The following SNCAIP variants were observed in gnomAD, a reference collection of about 807,000 sequenced individuals.
SNCAIP encodes the protein synuclein alpha interacting protein.
Under a neutral mutation model 86.7 loss-of-function variants are expected in SNCAIP, and 43 were observed. The observed-to-expected ratio is 0.50, with a 90% confidence interval of 0.39 to 0.64. SNCAIP has a LOEUF of 0.64. Ranked by LOEUF, SNCAIP falls within the 30% of genes least tolerant of loss-of-function variation. SNCAIP has a pLI of 0.00. For synonymous variants in SNCAIP, 417 were observed against 427.2 expected, an observed-to-expected ratio of 0.98 and a Z score of 0.29; for missense variants, 981 against 1,103.1, an observed-to-expected ratio of 0.89 and a Z score of 1.57.
chr5:122,316,843 G>C (rs1361805410), intron 1 of SNCAIP, among the ~76,000 whole-genome samples: 1 of 152,198 alleles, frequency 6.6e-6, no homozygotes, highest in East Asian at 1.9e-4. Context: ...AAGTGCAGCT[G>C]CTGGGCCAGA....
At chr5:122,374,357 C>G (rs1487532049) in intron 1 of SNCAIP, among the ~76,000 whole-genome samples, 1 of 152,180 alleles carries the variant, frequency 6.6e-6, no homozygotes, top group Non-Finnish European at 1.5e-5. Flanking sequence ...TCAAGCTTCT[C>G]TGCTCTCAGT....
At chr5:122,368,862 C>T (rs1763697466) in intron 1 of SNCAIP, among the ~76,000 whole-genome samples, 1 of 152,210 alleles carries the variant, frequency 6.6e-6, no homozygotes, top group Non-Finnish European at 1.5e-5. Flanking sequence ...CACAAAATCA[C>T]TGCCTCAGAG....
intron 1 of SNCAIP, among the ~76,000 whole-genome samples, chr5:122,384,304 G>T (rs561114832): frequency 1.3e-5 from 2 of 152,208 alleles, no homozygotes; most frequent in African/African-American, 4.8e-5. Flanking sequence ...AGATATGATT[G>T]CAAATTACAA....
intron 1 of SNCAIP, among the ~76,000 whole-genome samples, chr5:122,331,516 G>C (rs1342002749): frequency 6.6e-6 from 1 of 152,158 alleles, no homozygotes; most frequent in African/African-American, 2.4e-5. Flanking sequence ...GACCTTCCTA[G>C]TTTTTTCAGG....
chr5:122,331,838 A>G (rs908715971), intron 1 of SNCAIP, among the ~76,000 whole-genome samples: 11 of 152,208 alleles, frequency 7.2e-5, no homozygotes, highest in African/African-American at 2.4e-4. Flanking sequence ...CCTGTTGTCT[A>G]TCTCCCCCAC....
chr5:122,350,162 G>C (rs914651710), intron 1 of SNCAIP, among the ~76,000 whole-genome samples: 1 of 152,114 alleles, frequency 6.6e-6, no homozygotes, highest in Non-Finnish European at 1.5e-5. Flanking sequence ...TTCTACATTT[G>C]GAATACGTTA....
intron 1 of SNCAIP, among the ~76,000 whole-genome samples, chr5:122,323,968 G>A (rs894450257): frequency 6.6e-6 from 1 of 152,154 alleles, no homozygotes; most frequent in African/African-American, 2.4e-5. Context: ...GCATGAAAGG[G>A]AGTAGCTACA....
Position 122,450,004 on chromosome 5 carries a change from T to C in SNCAIP, c.1685+67T>C. Reference sequence around the variant, plus strand: ...AAATTGTTAAGCCTTCTTCTGAACTTCCTTTGATATATTTTAAGAGGATGA... The same window carrying C: ...AAATTGTTAAGCCTTCTTCTGAACTCCCTTTGATATATTTTAAGAGGATGA... On this transcript the variant is annotated intron_variant, in intron 9 of 10. Coordinates refer to ENST00000261368, the MANE Select transcript of SNCAIP (RefSeq NM_005460.4). 3 of 1,055,296 alleles carry C rather than the reference T, an allele frequency of 2.8e-6. No individual in the cohort carries two copies. In the South Asian group the frequency reaches 3.8e-5, roughly 13 times the overall value. 65.4% of individuals were successfully genotyped at this position (1,055,296 alleles called of 1,614,324 possible).
intron 1 of SNCAIP, among the ~76,000 whole-genome samples, chr5:122,383,074 T>G (rs962467337): frequency 2.6e-5 from 4 of 152,176 alleles, no homozygotes; most frequent in Admixed American, 6.5e-5. Context: ...CTCCACCCAG[T>G]TGGAGCTTCC....
At chr5:122,448,947 C>T (rs1185822998) in intron 8 of SNCAIP, among the ~76,000 whole-genome samples, 2 of 149,866 alleles carry the variant, frequency 1.3e-5, no homozygotes, top group East Asian at 2.0e-4. Flanking sequence ...ACCCGGGAGG[C>T]GGAGCTTCCA....
At chr5:122,415,846 G>A (rs1775197475) in intron 3 of SNCAIP, among the ~76,000 whole-genome samples, 1 of 152,182 alleles carries the variant, frequency 6.6e-6, no homozygotes, top group Non-Finnish European at 1.5e-5. Flanking sequence ...AGAAAGGGAG[G>A]GAAAGAAGGA....
At chr5:122,318,979 T>G (rs1449333090) in intron 1 of SNCAIP, among the ~76,000 whole-genome samples, 1 of 151,416 alleles carries the variant, frequency 6.6e-6, no homozygotes, top group African/African-American at 2.4e-5. Context: ...TTTTTTTTTT[T>G]TTTTTTTTTA....
chr5:122,440,206 T>A (rs895234558), intron 6 of SNCAIP, among the ~76,000 whole-genome samples: 3 of 152,142 alleles, frequency 2.0e-5, no homozygotes, highest in African/African-American at 7.2e-5. Flanking sequence ...CAATTCAAGG[T>A]TTTATGGTAA....
chr5:122,444,826 C>A, intron 8 of SNCAIP, 94 bp downstream of exon 8: 1 of 1,037,600 alleles, frequency 9.6e-7, no homozygotes, highest in Non-Finnish European at 1.5e-6. Context: ...CTCTTCTTTC[C>A]AGTTGTACAG....
At chr5:122,457,086 C>G (rs553648134) in intron 10 of SNCAIP, among the ~76,000 whole-genome samples, 1 of 152,302 alleles carries the variant, frequency 6.6e-6, no homozygotes, top group Non-Finnish European at 1.5e-5. Context: ...ACTGCAACCT[C>G]CACCTCCCAG....
intron 1 of SNCAIP, among the ~76,000 whole-genome samples, chr5:122,390,562 G>A (rs552704629): frequency 1.3e-5 from 2 of 151,728 alleles, no homozygotes; most frequent in East Asian, 3.9e-4. Flanking sequence ...GGGTGAACTG[G>A]AGGTTGTGCT....
chr5:122,331,181 C>T (rs1257084842), intron 1 of SNCAIP, among the ~76,000 whole-genome samples: 2 of 152,072 alleles, frequency 1.3e-5, no homozygotes, highest in Admixed American at 6.5e-5. Flanking sequence ...TAACAGGACT[C>T]GAACTGATAT....
intron 1 of SNCAIP, among the ~76,000 whole-genome samples, chr5:122,385,330 G>T (rs1458656063): frequency 6.6e-6 from 1 of 152,158 alleles, no homozygotes; most frequent in East Asian, 1.9e-4. Context: ...CTTTGTTCAT[G>T]TGTACTTCTT....
intron 3 of SNCAIP, among the ~76,000 whole-genome samples, chr5:122,414,216 G>A (rs1774779951): frequency 2.0e-5 from 3 of 151,126 alleles, no homozygotes; most frequent in Admixed American, 2.0e-4. Context: ...GCCAAGAAAA[G>A]TCATTAAAAA....
Sources: allele counts gnomAD v4.1 joint callset (sites outside exome capture counted in the v4.1 genomes callset), GRCh38; gene constraint gnomAD v4.1.1; transcripts MANE v1.5; gene names NCBI Gene and HGNC (gene_info 2026-07-23, HGNC 2026-07-21).